The following CARNS1 variants were observed in gnomAD, a reference collection of about 807,000 sequenced individuals.
CARNS1 encodes carnosine synthase 1.
CARNS1 carries 61 observed loss-of-function variants against 74.0 expected under a neutral mutation model. The observed-to-expected ratio is 0.82, with a 90% confidence interval of 0.67 to 1.02. The LOEUF (loss-of-function observed/expected upper bound fraction) is 1.02. Among genes scored for constraint, CARNS1 ranks in the 50% least tolerant of loss-of-function variants. CARNS1 has a pLI of 0.00. For missense variants in CARNS1, 1,278 were observed against 1,308.4 expected (o/e 0.98, Z 0.36); for synonymous variants, 568 against 605.5 (o/e 0.94, Z 0.91).
In CARNS1 at chr11:67,417,604, CAG is replaced by C; in HGVS notation, c.202_203del (p.Ser68ProfsTer76). The C allele has an allele frequency of 7.7e-7, 1 of 1,298,202 alleles. No homozygotes were observed. The allele number at this position is 1,298,202 out of a possible 1,614,324, so 80.4% of individuals were successfully genotyped here. On this transcript the variant is annotated frameshift_variant, in exon 3 of 10. Coordinates refer to ENST00000687366, the MANE Select transcript of CARNS1 (RefSeq NM_001166222.2). LOFTEE classifies it high-confidence loss of function. Reference sequence around the variant, plus strand: ...CCCGGGCTTGGACTGTCTACTACTACAGCCTCCTGCAGAGCTGTCTGCAGCAA... The same window carrying C: ...CCCGGGCTTGGACTGTCTACTACTACCCTCCTGCAGAGCTGTCTGCAGCAA... Reference protein sequence around the residue: ...EARAWTVYYYSLLQSCLQQAG... With the variant: ...EARAWTVYYYXLLQSCLQQAG...
chr11:67,423,363 T>G lies in CARNS1; in HGVS notation c.1627-12T>G. 6.3e-7 allele frequency: 1 copy of G among 1,590,422 alleles called. No individual in the cohort carries two copies. Among genetic ancestry groups the G allele is most frequent in the East Asian group, 2.2e-5 (1 of 44,636 alleles). Reference sequence around the variant, plus strand: ...GCTGACCTGGATATGCCCCACCCTGTGGCTTCTGCAGCTGCACCTCGTGGA... The same window carrying G: ...GCTGACCTGGATATGCCCCACCCTGGGGCTTCTGCAGCTGCACCTCGTGGA... On this transcript the variant is annotated splice_polypyrimidine_tract_variant and intron_variant, in intron 9 of 9. Transcript: ENST00000687366. The surrounding 1 kb of genome is among the most constrained non-coding windows in gnomAD (Gnocchi z 5.1).
At chr11:67,417,035 G>A in intron 2 of CARNS1, 1 of 1,025,966 alleles carries the variant, frequency 9.7e-7, no homozygotes, top group Non-Finnish European at 1.2e-6. Context: ...TTACTGAGAA[G>A]TGGCTGTGTG....
At chr11:67,421,984 C>T (rs1863718333) in intron 9 of CARNS1, among the ~76,000 whole-genome samples, 1 of 151,542 alleles carries the variant, frequency 6.6e-6, no homozygotes, top group African/African-American at 2.4e-5. Context: ...CGGGTTCACG[C>T]CATTCTCCTG....
chr11:67,417,778 G>C, intron 3 of CARNS1, 101 bp downstream of exon 3: 1 of 871,218 alleles, frequency 1.1e-6, no homozygotes, highest in Admixed American at 4.3e-5. Flanking sequence ...CCTTCCCCTA[G>C]GCTCTGGTTC....
intron 7 of CARNS1, among the ~76,000 whole-genome samples, chr11:67,420,220 C>A (rs1029596994): frequency 2.6e-5 from 4 of 152,166 alleles, no homozygotes; most frequent in Admixed American, 2.6e-4. Context: ...GCTTACGGAC[C>A]CTCCTGAGTA....
chr11:67,421,224 G>C lies in CARNS1; in HGVS notation c.1626+5G>C, dbSNP rs1863694319. 6.1e-6 allele frequency: 9 copies of C among 1,482,424 alleles called. No individual in the cohort carries two copies. In the East Asian group the frequency reaches 2.6e-4, roughly 43 times the overall value. The allele number at this position is 1,482,424 out of a possible 1,614,324, so 91.8% of individuals were successfully genotyped here. A position where few individuals can be genotyped will look rare whatever the true frequency, so the allele number is the denominator to read the frequency against. ...GCGCGCGACTACGGGCTCCAGGTGGGCGGGGCGCGGGGCGGGGCTGGGCCC... is the reference window on the plus strand; with the variant it reads ...GCGCGCGACTACGGGCTCCAGGTGGCCGGGGCGCGGGGCGGGGCTGGGCCC... On this transcript the variant is annotated splice_donor_5th_base_variant and intron_variant, in intron 9 of 9. Transcript: ENST00000687366.
At position 67,420,686 on chromosome 11, in the gene CARNS1, G is replaced by A; in HGVS notation, c.1191G>A (p.Leu397=). ...TGCCGAGGACGCTGGAGGTGGCGCT[G>A]GCCCAGTGCGGCCTGGGCGAGGAGG... ...NSLPRTLEVA[L]AQCGLGEEAQ... Residue 397 remains leucine (L), a synonymous_variant, in exon 8 of 10, where the codon CTG becomes CTA. Coordinates refer to ENST00000687366, the MANE Select transcript of CARNS1 (RefSeq NM_001166222.2). The A allele has an allele frequency of 7.9e-7, 1 of 1,264,750 alleles. No homozygotes were observed. Among genetic ancestry groups the A allele is most frequent in the Non-Finnish European group, 9.9e-7 (1 of 1,007,406 alleles). The allele number at this position is 1,264,750 out of a possible 1,614,324, so 78.3% of individuals were successfully genotyped here.
rs747355221 is a variant in CARNS1 at position 67,424,142 on chromosome 11, C to T, written c.2394C>T (p.Asn798=). Residue 798 remains asparagine, a synonymous_variant, in exon 10 of 10, where the codon AAC becomes AAT. Coordinates refer to ENST00000687366, the MANE Select transcript of CARNS1 (RefSeq NM_001166222.2). The part of the protein sequence containing the change: ...LGCGLLDGVF[N]VELKLTGAGP... ...GCGGGTTGCTCGATGGAGTCTTCAA[C>T]GTGGAGCTCAAGCTGACCGGGGCTG... 44 of 1,613,834 alleles carry T rather than the reference C, an allele frequency of 2.7e-5. No individual in the cohort carries two copies. The South Asian group carries it at 3.5e-4, about 13-fold the overall frequency.
Position 67,418,412 on chromosome 11 carries a change from C to T in CARNS1, c.275-19C>T. On this transcript the variant is annotated intron_variant, in intron 3 of 9. Coordinates refer to ENST00000687366, the MANE Select transcript of CARNS1 (RefSeq NM_001166222.2). ...GCAAGGGCGCCCCTGGTGAGCTGGG[C>T]CATGTTCTCTTTCCCGAGGCTGTCC... 4 of 1,438,940 alleles carry T rather than the reference C, an allele frequency of 2.8e-6. No homozygotes were observed. Among genetic ancestry groups the T allele is most frequent in the Non-Finnish European group, 3.6e-6 (4 of 1,099,088 alleles). 89.1% of individuals were successfully genotyped at this position (1,438,940 alleles called of 1,614,324 possible). A position where few individuals can be genotyped will look rare whatever the true frequency, so the allele number is the denominator to read the frequency against.
intron 4 of CARNS1, 97 bp from the exon 5 acceptor site, chr11:67,418,659 G>A: frequency 6.9e-7 from 1 of 1,452,014 alleles, no homozygotes; most frequent in African/African-American, 1.4e-5. Flanking sequence ...GAATGGGGAT[G>A]GGTTCTGGGA....
intron 5 of CARNS1, 54 bp from the exon 6 acceptor site, chr11:67,419,433 C>T (rs1863634843): frequency 6.3e-7 from 1 of 1,585,484 alleles, no homozygotes; most frequent in Non-Finnish European, 8.6e-7. Context: ...AAGTGCCCCA[C>T]CCTGCAGTAC....
At position 67,421,307 on chromosome 11, in the gene CARNS1, G is replaced by A. The variant is rs552311284; in HGVS notation, c.1626+88G>A. The A allele has an allele frequency of 1.8e-5, 23 of 1,309,724 alleles. No individual in the cohort carries two copies. In the South Asian group the frequency reaches 3.7e-4, roughly 21 times the overall value. 81.1% of individuals were successfully genotyped at this position (1,309,724 alleles called of 1,614,324 possible). On this transcript the variant is annotated intron_variant, in intron 9 of 9. Coordinates refer to ENST00000687366, the MANE Select transcript of CARNS1 (RefSeq NM_001166222.2). The stretch of plus-strand genomic sequence containing the variant: ...CCGGGGCGGGGCCTGGAGCAAAGGG[G>A]CGTCCTTGGGGCGGGACCAGCCGCG...
At chr11:67,421,277 G>T (rs774240829) in intron 9 of CARNS1, 58 bp downstream of exon 9, 693 of 1,383,776 alleles carry the variant, frequency 5.0e-4, no homozygotes, top group Non-Finnish European at 5.8e-4. Flanking sequence ...GGTGGAGGCG[G>T]GACCCCGGGG....
At position 67,423,947 on chromosome 11, in the gene CARNS1, C is replaced by T. The variant is rs768918073; in HGVS notation, c.2199C>T (p.His733=). The part of the protein sequence containing the change: ...LLMEFVEGTE[H]DVDLVLFGGR... ...TGGAGTTTGTGGAGGGCACCGAGCACGACGTGGACCTGGTGTTGTTTGGTG... is the reference window on the plus strand; with the variant it reads ...TGGAGTTTGTGGAGGGCACCGAGCATGACGTGGACCTGGTGTTGTTTGGTG... Residue 733 remains histidine, a synonymous_variant, in exon 10 of 10, where the codon CAC becomes CAT. Coordinates refer to ENST00000687366, the MANE Select transcript of CARNS1 (RefSeq NM_001166222.2). The surrounding 1 kb of genome is among the most constrained non-coding windows in gnomAD (Gnocchi z 5.1). The T allele has an allele frequency of 1.3e-5, 21 of 1,613,468 alleles. No homozygotes were observed. The highest frequency in any genetic ancestry group is 3.3e-5 in the Admixed American group (2 of 59,996).
intron 2 of CARNS1, chr11:67,416,770 G>A (rs1863555522): frequency 4.1e-6 from 4 of 986,488 alleles, no homozygotes; most frequent in Non-Finnish European, 4.8e-6. Context: ...CAGCCTCAGA[G>A]AGGGGAGGGA....
Position 67,419,594 on chromosome 11 carries a change from G to A in CARNS1, c.960G>A (p.Glu320=). The A allele has an allele frequency of 1.2e-6, 2 of 1,605,204 alleles. No homozygotes were observed. Among genetic ancestry groups the A allele is most frequent in the Non-Finnish European group, 1.7e-6 (2 of 1,177,468 alleles). Residue 320 remains glutamate, a synonymous_variant, in exon 6 of 10, where the codon GAG becomes GAA. Coordinates refer to ENST00000687366, the MANE Select transcript of CARNS1 (RefSeq NM_001166222.2). The part of the protein sequence containing the change: ...AVVDTVLALL[E]KLEEEESVLV... Reference sequence around the variant, plus strand: ...TGGACACAGTGCTGGCGCTGCTGGAGAAGCTGGAGGAGGAGGAGAGTGTCC... The same window carrying A: ...TGGACACAGTGCTGGCGCTGCTGGAAAAGCTGGAGGAGGAGGAGAGTGTCC...
chr11:67,416,365 T>C, intron 2 of CARNS1, 163 bp downstream of exon 2: 2 of 1,456,838 alleles, frequency 1.4e-6, no homozygotes, highest in South Asian at 2.8e-5. Flanking sequence ...GGCTGCATCC[T>C]GGGAGGTGGG....
chr11:67,417,602 T>A lies in CARNS1; in HGVS notation c.199T>A (p.Tyr67Asn). ...AEARAWTVYY[Y>N]SLLQSCLQQA... ...GGCCCGGGCTTGGACTGTCTACTAC[T>A]ACAGCCTCCTGCAGAGCTGTCTGCA... Residue 67 changes from tyrosine to asparagine, a missense_variant, in exon 3 of 10, where the codon TAC becomes AAC. Physicochemically the swap from Tyr to Asn is moderately radical, Grantham distance 143. Coordinates refer to ENST00000687366, the MANE Select transcript of CARNS1 (RefSeq NM_001166222.2). 7.6e-7 allele frequency: 1 copy of A among 1,309,470 alleles called. No individual in the cohort carries two copies. Among genetic ancestry groups the A allele is most frequent in the Non-Finnish European group, 9.7e-7 (1 of 1,027,940 alleles). The allele number at this position is 1,309,470 out of a possible 1,614,324, so 81.1% of individuals were successfully genotyped here. A position where few individuals can be genotyped will look rare whatever the true frequency, so the allele number is the denominator to read the frequency against.
At chr11:67,422,201 T>A (rs1483105031) in intron 9 of CARNS1, among the ~76,000 whole-genome samples, 2 of 130,764 alleles carry the variant, frequency 1.5e-5, no homozygotes, top group South Asian at 2.5e-4. Flanking sequence ...TTTTTTTTTT[T>A]AATACGGAGT....
Sources: gnomAD v4.1 joint callset for allele counts (sites outside exome capture counted in the v4.1 genomes callset) on GRCh38, gnomAD v4.1.1 for gene constraint, Gnocchi (gnomAD v3.1) non-coding constraint, MANE v1.5 for transcripts, NCBI Gene and HGNC (gene_info 2026-07-23, HGNC 2026-07-21) for gene names.